Variants in WWC2 observed in about 807,000 individuals in gnomAD.
The protein encoded by WWC2 is protein WWC2.
A neutral mutation model predicts 138.5 loss-of-function variants in WWC2; 101 were observed. The observed-to-expected ratio is 0.73, with a 90% confidence interval of 0.62 to 0.86. The LOEUF is 0.86. Among genes scored for constraint, WWC2 ranks in the 40% least tolerant of loss-of-function variants. WWC2 has a pLI of 0.00. For missense variants in WWC2, 1,420 were observed against 1,419.4 expected, an observed-to-expected ratio of 1.00 and a Z score of -0.01; for synonymous variants, 558 against 538.4, an observed-to-expected ratio of 1.04 and a Z score of -0.50.
At chr4:183,100,072 C>T (rs920023901) in intron 1 of WWC2, among the ~76,000 whole-genome samples, 2 of 152,212 alleles carry the variant, frequency 1.3e-5, no homozygotes, top group East Asian at 1.9e-4. Flanking sequence ...GGCGCGGGAG[C>T]CTGGGCTGCG....
At chr4:183,279,083 C>G (rs887761072) in intron 16 of WWC2, among the ~76,000 whole-genome samples, 1 of 152,154 alleles carries the variant, frequency 6.6e-6, no homozygotes, top group Admixed American at 6.5e-5. Context: ...GCTTCCAGTT[C>G]TTGCCCATTC....
rs192545089 is a variant in WWC2, at chr4:183,151,899, A to G, written c.132-41700A>G. ...GCTCTGTTCTATTCCATTGGTCTAT[A>G]TATCTGTCTTGGTACCAGTACCATG... is the stretch of plus-strand genomic sequence containing the variant. On this transcript the variant is annotated intron_variant, in intron 1 of 22. Coordinates refer to ENST00000403733, the MANE Select transcript of WWC2 (RefSeq NM_024949.6). 1.4e-3 allele frequency among the ~76,000 whole-genome samples: 209 copies of G among 152,310 alleles called. 1 individual carries two copies. The highest frequency in any genetic ancestry group is 4.9e-3 in the African/African-American group (203 of 41,566).
chr4:183,284,430 G>A, intron 19 of WWC2, 40 bp downstream of exon 19: 1 of 1,597,154 alleles, frequency 6.3e-7, no homozygotes, highest in Non-Finnish European at 8.5e-7. Context: ...TGGGACTGCA[G>A]CTTCTTCCCT....
chr4:183,290,911 G>A (rs1032264777), intron 21 of WWC2, among the ~76,000 whole-genome samples: 4 of 152,182 alleles, frequency 2.6e-5, no homozygotes, highest in Non-Finnish European at 5.9e-5. Context: ...TGGAACTACT[G>A]ATCCTTGATG....
At chr4:183,179,061 T>TA (rs1455877702) in intron 1 of WWC2, among the ~76,000 whole-genome samples, 1 of 152,114 alleles carries the variant, frequency 6.6e-6, no homozygotes, top group East Asian at 1.9e-4. Context: ...AAACAAAATT[T>TA]AAAAAAACTT....
intron 1 of WWC2, among the ~76,000 whole-genome samples, chr4:183,105,048 A>G (rs988673385): frequency 1.3e-4 from 20 of 152,194 alleles, no homozygotes; most frequent in Admixed American, 1.2e-3. Context: ...CTGGGATTAC[A>G]GGTGCACGCC....
At chr4:183,289,120 C>T (rs187668723) in intron 20 of WWC2, among the ~76,000 whole-genome samples, 5 of 152,202 alleles carry the variant, frequency 3.3e-5, no homozygotes, top group African/African-American at 1.2e-4. Flanking sequence ...AGGGCCCATG[C>T]TGATGGAGCC....
At chr4:183,181,304 T>G (rs908586371) in intron 1 of WWC2, among the ~76,000 whole-genome samples, 4 of 152,220 alleles carry the variant, frequency 2.6e-5, no homozygotes, top group African/African-American at 9.6e-5. Flanking sequence ...TTGTATTTAG[T>G]GCAATACGTA....
intron 1 of WWC2, among the ~76,000 whole-genome samples, chr4:183,162,907 G>A (rs528542539): frequency 2.6e-5 from 4 of 152,138 alleles, no homozygotes; most frequent in South Asian, 2.1e-4. Context: ...TTTCTTTTGC[G>A]TTCCAAGAAG....
intron 1 of WWC2, among the ~76,000 whole-genome samples, chr4:183,108,544 G>C (rs1215299893): frequency 6.6e-6 from 1 of 152,126 alleles, no homozygotes; most frequent in Non-Finnish European, 1.5e-5. Context: ...GGGTGGAGGA[G>C]TCCTGGGCTG....
rs1250826563 is a variant in WWC2 at position 183,240,178 on chromosome 4, T to C, written c.523-5T>C. ...ATTAATGTTTATGTTGATTTCTCTT[T>C]AAAGGTTAAAAAGCTAAAGAGAGAG... On this transcript the variant is annotated splice_region_variant and splice_polypyrimidine_tract_variant and intron_variant, in intron 4 of 22. Transcript: ENST00000403733. 6.5e-7 allele frequency: 1 copy of C among 1,542,686 alleles called. No individual in the cohort carries two copies. The highest frequency in any genetic ancestry group is 1.2e-5 in the South Asian group (1 of 81,410).
chr4:183,181,661 T>A (rs908657230), intron 1 of WWC2, among the ~76,000 whole-genome samples: 1 of 152,224 alleles, frequency 6.6e-6, no homozygotes, highest in Non-Finnish European at 1.5e-5. Context: ...TGTTTATGTA[T>A]TGGTGAGGCT....
chr4:183,316,452 G>A lies in WWC2; in HGVS notation c.*723G>A, dbSNP rs1439921139. ...TTCATGACACTGAGGGCAGGGAGAA[G>A]AAAGAACACCAGCCACGCAGAGATA... On this transcript the variant is annotated 3_prime_UTR_variant, in exon 23 of 23. Transcript: ENST00000403733. 1 of 152,236 alleles carries A rather than the reference G, an allele frequency of 6.6e-6. No homozygotes were observed. The highest frequency in any genetic ancestry group is 1.5e-5 in the Non-Finnish European group (1 of 68,042). The allele number at this position is 152,236 out of a possible 1,614,324, so 9.4% of individuals were successfully genotyped here.
intron 1 of WWC2, among the ~76,000 whole-genome samples, chr4:183,118,011 G>A (rs1474739508): frequency 2.0e-5 from 3 of 151,786 alleles, no homozygotes; most frequent in African/African-American, 2.4e-5. Flanking sequence ...TGTTGGCCAG[G>A]CTGGTCTTGA....
At chr4:183,239,376 G>A (rs1736542496) in intron 4 of WWC2, among the ~76,000 whole-genome samples, 1 of 152,036 alleles carries the variant, frequency 6.6e-6, no homozygotes, top group Non-Finnish European at 1.5e-5. Context: ...ATGGAAGTAA[G>A]TTTCTAACCC....
At position 183,209,045 on chromosome 4, in the gene WWC2, G is replaced by A. The variant is rs1453341503; in HGVS notation, c.522+20G>A. The A allele has an allele frequency of 3.7e-5, 57 of 1,525,156 alleles. No individual in the cohort carries two copies. The highest frequency in any genetic ancestry group is 5.0e-5 in the Non-Finnish European group (56 of 1,119,982). The allele number at this position is 1,525,156 out of a possible 1,614,324, so 94.5% of individuals were successfully genotyped here. On this transcript the variant is annotated intron_variant, in intron 4 of 22. Coordinates refer to ENST00000403733, the MANE Select transcript of WWC2 (RefSeq NM_024949.6). The stretch of plus-strand genomic sequence containing the variant: ...TTAAGGGTAAGAAGTTTTAAATTGT[G>A]GTTCTATGTTGACCCATATGCATAG...
rs144726726 is a variant in WWC2, at chr4:183,239,253, G to C, written c.523-930G>C. On this transcript the variant is annotated intron_variant, in intron 4 of 22. Transcript: ENST00000403733. ...TCGCTTGAACCCGGGAGGCGGAGTT[G>C]CAGTGAGCCGAGATTGCACCACCGC... is the stretch of plus-strand genomic sequence containing the variant. Among the ~76,000 whole-genome samples, 285 of 152,066 alleles carry C rather than the reference G, an allele frequency of 1.9e-3. 1 individual carries two copies. Among genetic ancestry groups the C allele is most frequent in the African/African-American group, 6.5e-3 (269 of 41,474 alleles).
intron 1 of WWC2, among the ~76,000 whole-genome samples, chr4:183,159,851 G>T (rs1733909951): frequency 6.6e-6 from 1 of 151,118 alleles, no homozygotes. Context: ...GTCCATATTT[G>T]ATCACAGTGT....
chr4:183,254,239 A>T (rs1038822679), intron 9 of WWC2, among the ~76,000 whole-genome samples: 1 of 152,236 alleles, frequency 6.6e-6, no homozygotes, highest in African/African-American at 2.4e-5. Context: ...GAATGCTGAC[A>T]TAAAACCAGG....
Sources: allele counts gnomAD v4.1 joint callset (sites outside exome capture counted in the v4.1 genomes callset), GRCh38; gene constraint gnomAD v4.1.1; transcripts MANE v1.5; gene names NCBI Gene and HGNC (gene_info 2026-07-23, HGNC 2026-07-21).